KDM2B: variants seen among roughly 807,000 people sequenced by gnomAD.
KDM2B encodes the protein lysine-specific demethylase 2B.
KDM2B carries 26 observed loss-of-function variants against 150.0 expected under a neutral mutation model. That is an observed-to-expected ratio of 0.17 (90% confidence interval 0.13 to 0.24). The LOEUF (loss-of-function observed/expected upper bound fraction) is 0.24, where lower values mean the gene tolerates loss of function less well. Ranked by LOEUF, KDM2B falls within the 10% of genes least tolerant of loss-of-function variation. The pLI is 1.00. For synonymous variants in KDM2B, 734 were observed against 729.5 expected, an observed-to-expected ratio of 1.01 and a Z score of -0.10; for missense variants, 1,265 against 1,816.9, an observed-to-expected ratio of 0.70 and a Z score of 5.52.
At chr12:121,581,527 GC>G (rs1891963692), upstream of KDM2B, among the ~76,000 whole-genome samples, 1 of 152,200 alleles carries the variant, frequency 6.6e-6, no homozygotes, top group Non-Finnish European at 1.5e-5. Flanking sequence ...AGAAAAGCTA[GC>G]CCTAAACATT....
At position 121,518,053 on chromosome 12, in the gene KDM2B, C is replaced by T. The variant is rs1050161390; in HGVS notation, c.1047+2932G>A. 1.3e-5 allele frequency among the ~76,000 whole-genome samples: 2 copies of T among 150,730 alleles called. No individual in the cohort carries two copies. Among genetic ancestry groups the T allele is most frequent in the Admixed American group, 6.6e-5 (1 of 15,080 alleles). The stretch of plus-strand genomic sequence containing the variant: ...GATTACAGGCACACACCACCATGCT[C>T]GGCTAATTTTTGTATTTTTAGTAGA... On this transcript the variant is annotated intron_variant, in intron 9 of 22. Coordinates refer to ENST00000377071, the MANE Select transcript of KDM2B (RefSeq NM_032590.5). The surrounding 1 kb of genome is among the most constrained non-coding windows in gnomAD (Gnocchi z 4.4).
intron 12 of KDM2B, among the ~76,000 whole-genome samples, chr12:121,488,175 C>A (rs191560691): frequency 8.5e-5 from 13 of 152,302 alleles, no homozygotes; most frequent in African/African-American, 3.1e-4. Context: ...GAAATTAAGT[C>A]ATTCAGGTCC....
intron 11 of KDM2B, among the ~76,000 whole-genome samples, chr12:121,504,960 C>CA (rs1278895379): frequency 6.6e-6 from 1 of 151,744 alleles, no homozygotes; most frequent in East Asian, 1.9e-4. Context: ...ACTAAAAATA[C>CA]AAAAAAATTA....
At chr12:121,433,339 C>A in intron 22 of KDM2B, 1 of 387,892 alleles carries the variant, frequency 2.6e-6, no homozygotes, top group Non-Finnish European at 5.1e-6. Context: ...CGCCCGCCAG[C>A]CTGTGGAGGA....
At chr12:121,494,521 A>G (rs1883702840) in intron 12 of KDM2B, 58 bp downstream of exon 12, 2 of 1,371,910 alleles carry the variant, frequency 1.5e-6, no homozygotes, top group Non-Finnish European at 2.1e-6. Flanking sequence ...TGTTCACCCT[A>G]CAGGAGGTGG....
At position 121,442,847 on chromosome 12, in the gene KDM2B, G is replaced by A. The variant is rs781782970; in HGVS notation, c.2605-11C>T. Reference sequence around the variant, plus strand: ...CTTCCAGGACCGCCGCTGAGGGCGAGAGCGGAGACGCGTCAGCCTCTGGGG... The same window carrying A: ...CTTCCAGGACCGCCGCTGAGGGCGAAAGCGGAGACGCGTCAGCCTCTGGGG... On this transcript the variant is annotated splice_polypyrimidine_tract_variant and intron_variant, in intron 18 of 22. Coordinates refer to ENST00000377071, the MANE Select transcript of KDM2B (RefSeq NM_032590.5). This position sits in a 1 kb window ranked among gnomAD's most constrained non-coding sequence, Gnocchi z 7.7. 1.2e-5 allele frequency: 18 copies of A among 1,517,394 alleles called. No homozygotes were observed. The highest frequency in any genetic ancestry group is 1.6e-5 in the Non-Finnish European group (18 of 1,137,742). The allele number at this position is 1,517,394 out of a possible 1,614,324, so 94.0% of individuals were successfully genotyped here. A position where few individuals can be genotyped will look rare whatever the true frequency, so the allele number is the denominator to read the frequency against.
At chr12:121,413,415 C>CTTTTTTTTTT in the KDM2B span, among the ~76,000 whole-genome samples, 11,826 of 127,706 alleles carry the variant, frequency 0.093, 705 homozygotes, top group African/African-American at 0.17. Context: ...TTTACCTGTC[C>CTTTTTTTTTT]TTTTTTTTTT....
At chr12:121,443,863 T>C in intron 16 of KDM2B, 70 bp from the exon 17 acceptor site, 1 of 1,393,398 alleles carries the variant, frequency 7.2e-7, no homozygotes, top group Non-Finnish European at 9.9e-7. Flanking sequence ...GGCAGGGCTC[T>C]CAGGACTTAG....
intron 12 of KDM2B, among the ~76,000 whole-genome samples, chr12:121,460,504 A>T (rs1878957016): frequency 6.6e-6 from 1 of 152,126 alleles, no homozygotes; most frequent in Non-Finnish European, 1.5e-5. Context: ...GGCTCAGGTG[A>T]TCCTCCCACG....
At chr12:121,416,065 GC>G in the KDM2B span, 12 of 980,926 alleles carry the variant, frequency 1.2e-5, no homozygotes, top group Admixed American at 1.0e-4. Context: ...GTTATTGAGG[GC>G]AAACTTACCT....
Position 121,520,523 on chromosome 12 carries a change from C to T in KDM2B, c.1047+462G>A, listed in dbSNP as rs1242840162. On this transcript the variant is annotated intron_variant, in intron 9 of 22. Transcript: ENST00000377071. This position sits in a 1 kb window ranked among gnomAD's most constrained non-coding sequence, Gnocchi z 4.5. ...AGGGGGACTCAGGCACTGGCTTCCTCAGGCTTCCTCCCCAGTCAGATCTGG... is the reference window on the plus strand; with the variant it reads ...AGGGGGACTCAGGCACTGGCTTCCTTAGGCTTCCTCCCCAGTCAGATCTGG... 1.3e-5 allele frequency among the ~76,000 whole-genome samples: 2 copies of T among 152,158 alleles called. No individual in the cohort carries two copies. The highest frequency in any genetic ancestry group is 2.9e-5 in the Non-Finnish European group (2 of 68,040).
chr12:121,431,879 C>CTT (rs77237915), intron 22 of KDM2B, among the ~76,000 whole-genome samples: 12,161 of 122,294 alleles, frequency 0.099, 822 homozygotes, highest in African/African-American at 0.16. Context: ...TTTCTTTTTT[C>CTT]TTTTTTTTTT....
chr12:121,409,485 A>G, the KDM2B span: 1 of 152,376 alleles, frequency 6.6e-6, no homozygotes, highest in South Asian at 2.1e-4. Flanking sequence ...GTCCCAGCTG[A>G]AACAGTGTAG....
chr12:121,580,974 G>A lies in KDM2B; in HGVS notation c.-63C>T. On this transcript the variant is annotated 5_prime_UTR_variant, in exon 1 of 23. Transcript: ENST00000377071. The stretch of plus-strand genomic sequence containing the variant: ...CTCGGCTTCCATACCTATAAGGACT[G>A]CCTAACTTTTAAACTCCCGGCACTC... The A allele has an allele frequency of 1.3e-6, 2 of 1,574,028 alleles. No homozygotes were observed. Among genetic ancestry groups the A allele is most frequent in the Non-Finnish European group, 1.7e-6 (2 of 1,162,960 alleles).
chr12:121,520,975 A>C lies in KDM2B; in HGVS notation c.1047+10T>G. 6.2e-7 allele frequency: 1 copy of C among 1,607,840 alleles called. No individual in the cohort carries two copies. Among genetic ancestry groups the C allele is most frequent in the Non-Finnish European group, 8.5e-7 (1 of 1,174,924 alleles). On this transcript the variant is annotated intron_variant, in intron 9 of 22. Transcript: ENST00000377071. The surrounding 1 kb of genome is among the most constrained non-coding windows in gnomAD (Gnocchi z 4.5). ...GGCGCGCACGCGAGGACAGAAGGGA[A>C]CCTCCTTACCCGCGTCCTGTCCTCG...
rs781867108 is a variant in KDM2B, at chr12:121,442,777, G to A, written c.2664C>T (p.Arg888=). The A allele has an allele frequency of 7.1e-6, 11 of 1,542,992 alleles. No individual in the cohort carries two copies. In the South Asian group the frequency reaches 1.1e-4, roughly 16 times the overall value. ...RMALANKPLR[R]FKQEPEDELP... ...GTTCGTCCTCGGGTTCCTGCTTGAA[G>A]CGCCGGAGGGGCTTGTTGGCCAGCG... The change falls in exon 19 of 23, where the codon CGC becomes CGT. Residue 888 remains arginine, a synonymous_variant. Transcript: ENST00000377071. This position sits in a 1 kb window ranked among gnomAD's most constrained non-coding sequence, Gnocchi z 7.7.
chr12:121,467,072 C>T lies in KDM2B; in HGVS notation c.1735-13728G>A, dbSNP rs1404750798. 2.7e-5 allele frequency: 20 copies of T among 734,614 alleles called. No homozygotes were observed. Among genetic ancestry groups the T allele is most frequent in the Non-Finnish European group, 3.5e-5 (20 of 578,798 alleles). 45.5% of individuals were successfully genotyped at this position (734,614 alleles called of 1,614,324 possible). A position where few individuals can be genotyped will look rare whatever the true frequency, so the allele number is the denominator to read the frequency against. ...TTTCTCCTCATCGCGGCGGCGGCGGCGTCGCGGCCGCCCTCGGCGCGTCAG... is the reference window on the plus strand; with the variant it reads ...TTTCTCCTCATCGCGGCGGCGGCGGTGTCGCGGCCGCCCTCGGCGCGTCAG... On this transcript the variant is annotated intron_variant, in intron 12 of 22. Coordinates refer to ENST00000377071, the MANE Select transcript of KDM2B (RefSeq NM_032590.5). The surrounding 1 kb of genome is among the most constrained non-coding windows in gnomAD (Gnocchi z 5.1).
At chr12:121,413,558 C>G in the KDM2B span, among the ~76,000 whole-genome samples, 3 of 150,566 alleles carry the variant, frequency 2.0e-5, no homozygotes, top group African/African-American at 4.9e-5. Context: ...ATTACAGAAG[C>G]CTGCCACCAT....
rs1270338243 is a variant in KDM2B at position 121,513,158 on chromosome 12, C to G, written c.1174+118G>C. The G allele has an allele frequency of 6.7e-6, 8 of 1,193,038 alleles. No homozygotes were observed. Among genetic ancestry groups the G allele is most frequent in the Non-Finnish European group, 8.3e-6 (7 of 838,452 alleles). 73.9% of individuals were successfully genotyped at this position (1,193,038 alleles called of 1,614,324 possible). The stretch of plus-strand genomic sequence containing the variant: ...CCCTGAGGGGTTCCTAGGATTCTGC[C>G]CAATACACTGATTCAACGAATCCCC... On this transcript the variant is annotated intron_variant, in intron 10 of 22. Coordinates refer to ENST00000377071, the MANE Select transcript of KDM2B (RefSeq NM_032590.5). This position sits in a 1 kb window ranked among gnomAD's most constrained non-coding sequence, Gnocchi z 5.0.
Sources: allele counts gnomAD v4.1 joint callset (sites outside exome capture counted in the v4.1 genomes callset), GRCh38; gene constraint gnomAD v4.1.1; non-coding constraint Gnocchi (gnomAD v3.1); transcripts MANE v1.5; gene names NCBI Gene and HGNC (gene_info 2026-07-23, HGNC 2026-07-21).